Variants in STOX2 observed in about 807,000 individuals in gnomAD.
STOX2 encodes storkhead box 2.
In STOX2, 28 loss-of-function variants were observed where a neutral mutation model predicts 60.9. That is an observed-to-expected ratio of 0.46 (90% CI 0.34 to 0.63). STOX2 has a LOEUF of 0.63. Among genes scored for constraint, STOX2 ranks in the 30% least tolerant of loss-of-function variants. STOX2 has a pLI of 0.01. For missense variants in STOX2, 1,024 were observed against 1,187.7 expected (o/e 0.86, Z 2.03); for synonymous variants, 472 against 463.9 (o/e 1.02, Z -0.22).
chr4:183,892,520 T>C (rs980110042), intron 1 of STOX2, among the ~76,000 whole-genome samples: 3 of 152,150 alleles, frequency 2.0e-5, no homozygotes, highest in Non-Finnish European at 4.4e-5. Context: ...GACCTTGTCA[T>C]CCGCCCGCCT....
At chr4:184,003,481 A>G (rs17075213) in intron 2 of STOX2, among the ~76,000 whole-genome samples, 2,611 of 152,358 alleles carry the variant, frequency 0.017, 51 homozygotes, top group Middle Eastern at 0.048. Context: ...CCTGGTTTTC[A>G]GACAGACTGA....
At chr4:183,955,437 A>T (rs1238610428) in intron 1 of STOX2, among the ~76,000 whole-genome samples, 1 of 152,064 alleles carries the variant, frequency 6.6e-6, no homozygotes, top group African/African-American at 2.4e-5. Context: ...TCCCACCAGA[A>T]TTTTTTTCCC....
intron 2 of STOX2, among the ~76,000 whole-genome samples, chr4:184,007,036 AAC>A (rs1434874773): frequency 0.015 from 1,218 of 80,252 alleles, 137 homozygotes; most frequent in South Asian, 0.05. Flanking sequence ...AAAAAAACAA[AAC>A]AAAAAAAAAA....
At chr4:183,980,542 C>G (rs1238187120) in intron 1 of STOX2, among the ~76,000 whole-genome samples, 1 of 152,076 alleles carries the variant, frequency 6.6e-6, no homozygotes, top group African/African-American at 2.4e-5. Flanking sequence ...TGTGGTGTGC[C>G]CCTTCCAACT....
At chr4:183,864,792 T>C (rs1740526789) in intron 1 of STOX2, among the ~76,000 whole-genome samples, 1 of 152,188 alleles carries the variant, frequency 6.6e-6, no homozygotes, top group African/African-American at 2.4e-5. Context: ...ACCTCTCAAC[T>C]TGGATTTTCC....
intron 1 of STOX2, among the ~76,000 whole-genome samples, chr4:183,843,305 C>T (rs115508622): frequency 0.028 from 4,220 of 152,212 alleles, 85 homozygotes; most frequent in Middle Eastern, 0.075. Flanking sequence ...CACACAGAGA[C>T]GTCACCCTGA....
intron 1 of STOX2, among the ~76,000 whole-genome samples, chr4:183,949,425 C>T (rs983253233): frequency 1.3e-5 from 2 of 152,140 alleles, no homozygotes; most frequent in Non-Finnish European, 2.9e-5. Context: ...TTAGGCCAGG[C>T]GTGGTGGCTC....
At chr4:183,874,952 AATAT>A (rs759209967) in intron 1 of STOX2, among the ~76,000 whole-genome samples, 2,403 of 44,292 alleles carry the variant, frequency 0.054, 79 homozygotes, top group East Asian at 0.095. Context: ...AAAAAAAAAA[AATAT>A]ATATATATAT....
intron 1 of STOX2, among the ~76,000 whole-genome samples, chr4:183,805,476 T>A (rs1305945304): frequency 6.6e-6 from 1 of 152,198 alleles, no homozygotes; most frequent in African/African-American, 2.4e-5. Flanking sequence ...AGATCTGGAT[T>A]TTTAAGAAGG....
At chr4:183,989,141 C>CA (rs1293075597) in intron 1 of STOX2, among the ~76,000 whole-genome samples, 12 of 149,272 alleles carry the variant, frequency 8.0e-5, no homozygotes, top group Admixed American at 4.7e-4. Flanking sequence ...GGGAGGCATT[C>CA]AGTAAATAGT....
At chr4:183,798,063 C>T in intron 1 of STOX2, 2 of 1,227,686 alleles carry the variant, frequency 1.6e-6, no homozygotes, top group Non-Finnish European at 2.0e-6. Context: ...TGGGTGAGTG[C>T]GACCGCCGCG....
At chr4:183,940,365 T>A (rs962294683) in intron 1 of STOX2, among the ~76,000 whole-genome samples, 1 of 152,234 alleles carries the variant, frequency 6.6e-6, no homozygotes, top group African/African-American at 2.4e-5. Flanking sequence ...AGCAGGTGTT[T>A]ATGTCCTAGC....
chr4:183,862,666 G>A (rs142174285), intron 1 of STOX2, among the ~76,000 whole-genome samples: 205 of 152,346 alleles, frequency 1.3e-3, no homozygotes, highest in African/African-American at 4.4e-3. Context: ...GAAGCCATGC[G>A]AGAGTCGGCA....
chr4:183,951,064 A>C (rs1444260793), intron 1 of STOX2, among the ~76,000 whole-genome samples: 33 of 151,858 alleles, frequency 2.2e-4, no homozygotes, highest in African/African-American at 7.7e-4. Flanking sequence ...AAATACAAAA[A>C]AATTAGCCGG....
intron 1 of STOX2, among the ~76,000 whole-genome samples, chr4:183,846,317 G>A (rs1739988939): frequency 6.6e-6 from 1 of 152,186 alleles, no homozygotes; most frequent in Non-Finnish European, 1.5e-5. Context: ...TGAGTTTGTT[G>A]AATGTGTAGA....
At chr4:183,965,151 G>C (rs1483361936) in intron 1 of STOX2, among the ~76,000 whole-genome samples, 1 of 152,174 alleles carries the variant, frequency 6.6e-6, no homozygotes, top group Admixed American at 6.6e-5. Context: ...AGCCACTCAT[G>C]GCACCAGCAT....
intron 1 of STOX2, among the ~76,000 whole-genome samples, chr4:183,961,844 A>G (rs577653265): frequency 6.6e-6 from 1 of 152,384 alleles, no homozygotes; most frequent in South Asian, 2.1e-4. Context: ...TAGCACAAAA[A>G]GGATCTTGGG....
Position 184,010,863 on chromosome 4 carries a change from C to G in STOX2, c.2025C>G (p.Ile675Met). 1.9e-6 allele frequency: 3 copies of G among 1,607,482 alleles called. No individual in the cohort carries two copies. Among genetic ancestry groups the G allele is most frequent in the South Asian group, 2.2e-5 (2 of 89,838 alleles). The change falls in exon 3 of 4, where the codon ATC becomes ATG. Residue 675 changes from isoleucine (I) to methionine (M), a missense_variant. Physicochemically the swap from Ile to Met is conservative, Grantham distance 10. Coordinates refer to ENST00000308497, the MANE Select transcript of STOX2 (RefSeq NM_020225.3). This position sits in a 1 kb window ranked among gnomAD's most constrained non-coding sequence, Gnocchi z 4.5. Reference sequence around the variant, plus strand: ...CTTCGGGAGGAGTGGCTGAAGGGATCGCCAACGGACGCCTCGTCCAGCACC... The same window carrying G: ...CTTCGGGAGGAGTGGCTGAAGGGATGGCCAACGGACGCCTCGTCCAGCACC... ...PAASGGVAEG[I>M]ANGRLVQHHG...
chr4:183,907,704 T>C (rs1188918431), intron 1 of STOX2, among the ~76,000 whole-genome samples: 1 of 152,222 alleles, frequency 6.6e-6, no homozygotes, highest in Non-Finnish European at 1.5e-5. Context: ...AGGAGCCAGT[T>C]CTTTTTTTGG....
Sources: gnomAD v4.1 joint callset for allele counts (sites outside exome capture counted in the v4.1 genomes callset) on GRCh38, gnomAD v4.1.1 for gene constraint, Gnocchi (gnomAD v3.1) non-coding constraint, MANE v1.5 for transcripts, NCBI Gene and HGNC (gene_info 2026-07-23, HGNC 2026-07-21) for gene names.